The following APP variants were observed in gnomAD, a reference collection of about 807,000 sequenced individuals.
APP encodes the protein amyloid-beta precursor protein.
APP carries 31 observed loss-of-function variants against 101.4 expected under a neutral mutation model. The ratio of observed to expected loss-of-function variants is 0.31; its 90% confidence interval spans 0.23 to 0.41. APP has a LOEUF of 0.41. Ranked by LOEUF, APP falls within the 10% of genes least tolerant of loss-of-function variation. The pLI is 1.00. For synonymous variants in APP, 366 were observed against 364.4 expected (o/e 1.00, Z -0.05); for missense variants, 839 against 1,003.7 (o/e 0.84, Z 2.22).
chr21:26,050,044 T>C (rs2045772824), intron 5 of APP, among the ~76,000 whole-genome samples: 1 of 152,126 alleles, frequency 6.6e-6, no homozygotes, highest in African/African-American at 2.4e-5. Flanking sequence ...TATGACCCAG[T>C]TTGCCTGGAT....
intron 2 of APP, among the ~76,000 whole-genome samples, chr21:26,105,511 T>A (rs905515956): frequency 2.0e-5 from 3 of 149,736 alleles, no homozygotes. Flanking sequence ...GTTTAAAAAA[T>A]AAAAACATGA....
rs187507056 is a variant in APP at position 26,152,059 on chromosome 21, G to A, written c.57+18505C>T. Among the ~76,000 whole-genome samples, 1,291 of 151,976 alleles carry A rather than the reference G, an allele frequency of 8.5e-3. 47 individuals are homozygous for A. The highest frequency in any genetic ancestry group is 0.079 in the East Asian group (409 of 5,156). ...TGGGAGGCCGAGGCGGGGGGATCAC[G>A]AGGTCAGGAGATCAAGACCATCCTG... On this transcript the variant is annotated intron_variant, in intron 1 of 17. Coordinates refer to ENST00000346798, the MANE Select transcript of APP (RefSeq NM_000484.4).
At position 25,891,735 on chromosome 21, in the gene APP, T is replaced by G. The variant is rs1555889054; in HGVS notation, c.2198A>C (p.His733Pro). 6.2e-7 allele frequency: 1 copy of G among 1,614,138 alleles called. No individual in the cohort carries two copies. Among genetic ancestry groups the G allele is most frequent in the African/African-American group, 1.3e-5 (1 of 75,048 alleles). Residue 733 changes from histidine (H) to proline (P), a missense_variant, in exon 17 of 18, where the codon CAT becomes CCT. His to Pro is a moderately conservative substitution (Grantham distance 77). Coordinates refer to ENST00000346798, the MANE Select transcript of APP (RefSeq NM_000484.4). ...AAGTTTACCTACCTCCACCACACCATGATGAATGGATGTGTACTGTTTCTT... is the reference window on the plus strand; with the variant it reads ...AAGTTTACCTACCTCCACCACACCAGGATGAATGGATGTGTACTGTTTCTT... ...LKKKQYTSIH[H>P]GVVEVDAAVT...
intron 1 of APP, among the ~76,000 whole-genome samples, chr21:26,140,800 C>G (rs2063027941): frequency 6.6e-6 from 1 of 152,218 alleles, no homozygotes; most frequent in Non-Finnish European, 1.5e-5. Context: ...CCCTTAAACT[C>G]AAATAAATTA....
chr21:25,987,325 C>T (rs3787634), intron 8 of APP, among the ~76,000 whole-genome samples: 3 of 152,256 alleles, frequency 2.0e-5, no homozygotes, highest in Admixed American at 2.0e-4. Flanking sequence ...TATGTTCCCC[C>T]CTCCACAAAA....
At chr21:26,011,625 T>C (rs1479606749) in intron 6 of APP, among the ~76,000 whole-genome samples, 3 of 152,112 alleles carry the variant, frequency 2.0e-5, no homozygotes, top group African/African-American at 4.8e-5. Context: ...AACCCTGCCA[T>C]AGCCCAAGCA....
intron 3 of APP, among the ~76,000 whole-genome samples, chr21:26,082,180 T>C (rs868661595): frequency 6.6e-6 from 1 of 152,102 alleles, no homozygotes; most frequent in South Asian, 2.1e-4. Flanking sequence ...GATCACGCCA[T>C]TGCACTCCAG....
intron 14 of APP, among the ~76,000 whole-genome samples, chr21:25,906,666 C>A (rs896445297): frequency 2.0e-5 from 3 of 152,178 alleles, no homozygotes; most frequent in African/African-American, 7.2e-5. Flanking sequence ...TTCTATACTT[C>A]ATTTTTTTTC....
intron 1 of APP, among the ~76,000 whole-genome samples, chr21:26,151,824 A>C (rs757535896): frequency 6.6e-6 from 1 of 152,214 alleles, no homozygotes; most frequent in Non-Finnish European, 1.5e-5. Flanking sequence ...CTAACACGCC[A>C]CAGACCGGTA....
chr21:26,032,507 T>G (rs2044874351), intron 5 of APP, among the ~76,000 whole-genome samples: 1 of 152,180 alleles, frequency 6.6e-6, no homozygotes, highest in East Asian at 1.9e-4. Flanking sequence ...CCAATGTGAC[T>G]ATGAACATGT....
At chr21:25,951,237 A>G (rs1187583929) in intron 13 of APP, among the ~76,000 whole-genome samples, 2 of 152,222 alleles carry the variant, frequency 1.3e-5, no homozygotes, top group Admixed American at 1.3e-4. Context: ...CACCGATAGC[A>G]TTCCTTCTTC....
chr21:26,146,768 G>T (rs1216808508), intron 1 of APP, among the ~76,000 whole-genome samples: 7 of 152,124 alleles, frequency 4.6e-5, no homozygotes, highest in Non-Finnish European at 8.8e-5. Context: ...CTCTGAAGAT[G>T]TTCATATTTA....
chr21:25,889,277 G>GA (rs1412109733), intron 17 of APP, among the ~76,000 whole-genome samples: 1 of 152,154 alleles, frequency 6.6e-6, no homozygotes, highest in Non-Finnish European at 1.5e-5. Flanking sequence ...GGACACAGCA[G>GA]AAAAACAGAG....
chr21:26,160,116 C>A (rs2063460801), intron 1 of APP, among the ~76,000 whole-genome samples: 1 of 152,166 alleles, frequency 6.6e-6, no homozygotes, highest in African/African-American at 2.4e-5. Context: ...CAAATACTCA[C>A]ATGGCTACTC....
intron 1 of APP, among the ~76,000 whole-genome samples, chr21:26,165,033 T>C (rs188294809): frequency 6.6e-6 from 1 of 152,310 alleles, no homozygotes. Flanking sequence ...AAATACACAA[T>C]ACATATTTAA....
At chr21:25,913,374 T>C (rs2039178714) in intron 13 of APP, among the ~76,000 whole-genome samples, 1 of 152,244 alleles carries the variant, frequency 6.6e-6, no homozygotes, top group Non-Finnish European at 1.5e-5. Flanking sequence ...TAAAATTCAA[T>C]ACTTGATGCC....
intron 5 of APP, among the ~76,000 whole-genome samples, chr21:26,034,661 A>T (rs1178735054): frequency 2.8e-5 from 4 of 145,330 alleles, no homozygotes; most frequent in Admixed American, 2.7e-4. Flanking sequence ...AAAAAGAAAA[A>T]GAAAAAAAGA....
At chr21:26,128,319 G>A (rs1431689229) in intron 1 of APP, among the ~76,000 whole-genome samples, 3 of 152,120 alleles carry the variant, frequency 2.0e-5, no homozygotes, top group African/African-American at 4.8e-5. Context: ...CTGATATAAG[G>A]TTCATGAAGT....
chr21:25,918,690 C>A (rs2039481951), intron 13 of APP, among the ~76,000 whole-genome samples: 2 of 151,552 alleles, frequency 1.3e-5, no homozygotes, highest in Admixed American at 1.3e-4. Flanking sequence ...AGAAACGGCG[C>A]ACCACGAGAC....
Sources: allele counts gnomAD v4.1 joint callset (sites outside exome capture counted in the v4.1 genomes callset), GRCh38; gene constraint gnomAD v4.1.1; transcripts MANE v1.5; gene names NCBI Gene and HGNC (gene_info 2026-07-23, HGNC 2026-07-21).